The following KIAA0825 variants were observed in gnomAD, a reference collection of about 807,000 sequenced individuals.
The protein encoded by KIAA0825 is KIAA0825.
In KIAA0825, 119 loss-of-function variants were observed where a neutral mutation model predicts 147.6. The ratio of observed to expected loss-of-function variants is 0.81; its 90% confidence interval spans 0.69 to 0.94. KIAA0825 has a LOEUF of 0.94. Among genes scored for constraint, KIAA0825 ranks in the 40% least tolerant of loss-of-function variants. The pLI, the probability that KIAA0825 is intolerant of heterozygous loss-of-function variation, is 0.00. For synonymous variants in KIAA0825, 470 were observed against 518.1 expected (o/e 0.91, Z 1.26); for missense variants, 1,381 against 1,472.7 (o/e 0.94, Z 1.02).
chr5:94,247,160 T>G (rs1672749815), intron 20 of KIAA0825, among the ~76,000 whole-genome samples: 1 of 152,168 alleles, frequency 6.6e-6, no homozygotes. Context: ...TTCCCACTAT[T>G]AGAGAGTTGC....
At chr5:94,360,505 A>G (rs184459309) in intron 20 of KIAA0825, among the ~76,000 whole-genome samples, 1 of 152,300 alleles carries the variant, frequency 6.6e-6, no homozygotes, top group African/African-American at 2.4e-5. Context: ...GACCTTGCTG[A>G]TAAAACAGGT....
At chr5:94,416,412 T>G (rs1753472083) in intron 15 of KIAA0825, 1 of 152,096 alleles carries the variant, frequency 6.6e-6, no homozygotes, top group Non-Finnish European at 1.5e-5. Flanking sequence ...AAAATTCAGG[T>G]TCCAAAGCAG....
chr5:94,203,364 C>G (rs1771870951), intron 20 of KIAA0825, among the ~76,000 whole-genome samples: 1 of 152,146 alleles, frequency 6.6e-6, no homozygotes, highest in South Asian at 2.1e-4. Context: ...TATGCTCACT[C>G]CGTCATTTTA....
intron 20 of KIAA0825, among the ~76,000 whole-genome samples, chr5:94,323,518 T>G (rs1159335409): frequency 6.6e-6 from 1 of 151,316 alleles, no homozygotes; most frequent in Non-Finnish European, 1.5e-5. Context: ...TTTCATCACT[T>G]TAGTGAGATT....
chr5:94,503,023 C>T (rs577291352), intron 5 of KIAA0825, among the ~76,000 whole-genome samples: 20 of 149,486 alleles, frequency 1.3e-4, no homozygotes, highest in African/African-American at 3.9e-4. Flanking sequence ...GGAGAAGAAT[C>T]GATTGAACGC....
chr5:94,437,224 C>G (rs1756490137), intron 14 of KIAA0825, among the ~76,000 whole-genome samples: 1 of 152,036 alleles, frequency 6.6e-6, no homozygotes, highest in South Asian at 2.1e-4. Context: ...AAATTAATTT[C>G]TGTGTGCATA....
At chr5:94,513,867 GA>G (rs971733886) in intron 5 of KIAA0825, among the ~76,000 whole-genome samples, 4 of 150,666 alleles carry the variant, frequency 2.7e-5, no homozygotes, top group African/African-American at 9.8e-5. Context: ...AACTTCCTTA[GA>G]AAAAAATTAT....
intron 20 of KIAA0825, among the ~76,000 whole-genome samples, chr5:94,325,190 A>C (rs1213097821): frequency 6.6e-6 from 1 of 152,024 alleles, no homozygotes. Flanking sequence ...AAGTCTTAGA[A>C]TAAAATACAG....
chr5:94,470,167 T>C (rs1761036475), intron 9 of KIAA0825, 56 bp from the exon 10 acceptor site: 1 of 1,325,378 alleles, frequency 7.5e-7, no homozygotes, highest in Non-Finnish European at 1.0e-6. Context: ...CAGTAGGAGA[T>C]AACAATCTCC....
intron 12 of KIAA0825, among the ~76,000 whole-genome samples, chr5:94,454,073 A>G (rs1758775272): frequency 6.6e-6 from 1 of 152,190 alleles, no homozygotes; most frequent in Non-Finnish European, 1.5e-5. Context: ...TTACTGTAAC[A>G]TTTTTCTAGA....
chr5:94,581,854 CT>C (rs1329097961), intron 2 of KIAA0825, among the ~76,000 whole-genome samples: 1 of 152,186 alleles, frequency 6.6e-6, no homozygotes, highest in Non-Finnish European at 1.5e-5. Flanking sequence ...TTTAAAATAA[CT>C]GGCTGGCATC....
chr5:94,169,382 G>C (rs1006302409), intron 20 of KIAA0825, among the ~76,000 whole-genome samples: 2 of 152,136 alleles, frequency 1.3e-5, no homozygotes, highest in Admixed American at 1.3e-4. Flanking sequence ...AGGAGTTCAA[G>C]ACCAGTCTGG....
At chr5:94,550,432 A>C (rs2151433082) in intron 2 of KIAA0825, among the ~76,000 whole-genome samples, 1 of 152,312 alleles carries the variant, frequency 6.6e-6, no homozygotes. Flanking sequence ...CATCTATAGG[A>C]ATAAATCTTT....
intron 1 of KIAA0825, among the ~76,000 whole-genome samples, chr5:94,601,169 G>A (rs1786361010): frequency 6.6e-6 from 1 of 152,064 alleles, no homozygotes; most frequent in Admixed American, 6.6e-5. Flanking sequence ...ATGTACATTT[G>A]GGCCAATAAC....
intron 20 of KIAA0825, among the ~76,000 whole-genome samples, chr5:94,205,465 A>G (rs563891530): frequency 2.0e-5 from 3 of 150,662 alleles, no homozygotes; most frequent in South Asian, 2.1e-4. Flanking sequence ...CCACTTTTTT[A>G]TATTTTTAGT....
chr5:94,522,992 G>A (rs916885252), intron 4 of KIAA0825, among the ~76,000 whole-genome samples: 2 of 151,608 alleles, frequency 1.3e-5, no homozygotes, highest in Non-Finnish European at 3.0e-5. Context: ...CCACCTTCAG[G>A]AGATAATGGG....
Position 94,547,206 on chromosome 5 carries a change from G to T in KIAA0825, c.-1-10079C>A, listed in dbSNP as rs534712279. ...AAAAGAATAAAAAATAATGAAGCAG[G>T]CCAGAAGATCTAGAAAATAGCCTGA... On this transcript the variant is annotated intron_variant, in intron 2 of 20. Coordinates refer to ENST00000682413, the MANE Select transcript of KIAA0825 (RefSeq NM_001145678.3). 3.0e-4 allele frequency among the ~76,000 whole-genome samples: 46 copies of T among 151,970 alleles called. 1 individual carries two copies. Among genetic ancestry groups the T allele is most frequent in the Admixed American group, 3.0e-3 (45 of 15,250 alleles).
chr5:94,473,433 A>T lies in KIAA0825; in HGVS notation c.1314T>A (p.Gly438=). 6.4e-7 allele frequency: 1 copy of T among 1,551,952 alleles called. No homozygotes were observed. The highest frequency in any genetic ancestry group is 1.2e-5 in the South Asian group (1 of 84,064). The change falls in exon 8 of 21, where the codon GGT becomes GGA. Residue 438 remains glycine, a synonymous_variant. Coordinates refer to ENST00000682413, the MANE Select transcript of KIAA0825 (RefSeq NM_001145678.3). The part of the protein sequence containing the change: ...MAHCVVTAIE[G]FSTKILQQEQ... ...CCTGTTGGAGAATTTTTGTGGAAAAACCTTCAATTGCAGTTACTACGCAGT... is the reference window on the plus strand; with the variant it reads ...CCTGTTGGAGAATTTTTGTGGAAAATCCTTCAATTGCAGTTACTACGCAGT...
At chr5:94,438,820 C>G (rs145847497) in intron 14 of KIAA0825, among the ~76,000 whole-genome samples, 136 of 152,256 alleles carry the variant, frequency 8.9e-4, no homozygotes, top group African/African-American at 3.0e-3. Flanking sequence ...TACTAACAGG[C>G]TGGTAGGGCC....
Sources: gnomAD v4.1 joint callset for allele counts (sites outside exome capture counted in the v4.1 genomes callset) on GRCh38, gnomAD v4.1.1 for gene constraint, MANE v1.5 for transcripts, NCBI Gene and HGNC (gene_info 2026-07-23, HGNC 2026-07-21) for gene names.